FUT9: variants seen among roughly 807,000 people sequenced by gnomAD.
FUT9 encodes the protein fucosyltransferase 9.
FUT9 carries 15 observed loss-of-function variants against 29.7 expected under a neutral mutation model. That is an observed-to-expected ratio of 0.51 (90% CI 0.34 to 0.78). FUT9 has a LOEUF of 0.78. Ranked by LOEUF, FUT9 falls within the 30% of genes least tolerant of loss-of-function variation. The pLI is 0.01. For missense variants in FUT9, 319 were observed against 425.4 expected, an observed-to-expected ratio of 0.75 and a Z score of 2.20; for synonymous variants, 169 against 153.7, an observed-to-expected ratio of 1.10 and a Z score of -0.74.
chr6:96,042,392 A>G (rs551156921), intron 1 of FUT9, among the ~76,000 whole-genome samples: 12 of 152,166 alleles, frequency 7.9e-5, no homozygotes, highest in Non-Finnish European at 1.8e-4. Flanking sequence ...TTTCAATTTT[A>G]TTATTAAAAA....
intron 1 of FUT9, among the ~76,000 whole-genome samples, chr6:96,103,043 T>C (rs926222179): frequency 6.6e-6 from 1 of 152,020 alleles, no homozygotes; most frequent in African/African-American, 2.4e-5. Flanking sequence ...TATGGGAAAA[T>C]AGCAGTCAGA....
At chr6:96,143,734 G>A (rs1006110738) in intron 2 of FUT9, among the ~76,000 whole-genome samples, 13 of 152,124 alleles carry the variant, frequency 8.5e-5, no homozygotes, top group Non-Finnish European at 1.5e-4. Context: ...TAAAATCGTT[G>A]GGTGGATTGA....
chr6:96,022,865 G>T (rs1770098865), intron 1 of FUT9, among the ~76,000 whole-genome samples: 1 of 151,826 alleles, frequency 6.6e-6, no homozygotes, highest in South Asian at 2.1e-4. Flanking sequence ...AGGTGTACCT[G>T]GTACGTGTAT....
chr6:96,132,458 A>G (rs1772264823), intron 2 of FUT9, among the ~76,000 whole-genome samples: 1 of 152,062 alleles, frequency 6.6e-6, no homozygotes, highest in Admixed American at 6.6e-5. Context: ...CCACAGCAGA[A>G]TCATGAGGGT....
intron 2 of FUT9, among the ~76,000 whole-genome samples, chr6:96,114,547 T>C (rs936484185): frequency 2.0e-5 from 3 of 151,632 alleles, no homozygotes; most frequent in Non-Finnish European, 1.5e-5. Context: ...CTTTTGAAAA[T>C]GGGTTTTAAT....
At chr6:96,163,049 G>A (rs1772942447) in intron 2 of FUT9, among the ~76,000 whole-genome samples, 1 of 152,102 alleles carries the variant, frequency 6.6e-6, no homozygotes. Flanking sequence ...GAGGATTTTG[G>A]CTCTTCATTG....
chr6:96,112,427 C>T (rs762886032), intron 1 of FUT9, among the ~76,000 whole-genome samples: 1 of 152,196 alleles, frequency 6.6e-6, no homozygotes, highest in African/African-American at 2.4e-5. Flanking sequence ...TCCATTTCTT[C>T]ATACTTGTAT....
intron 1 of FUT9, among the ~76,000 whole-genome samples, chr6:96,098,304 A>T (rs2127955954): frequency 6.6e-6 from 1 of 152,204 alleles, no homozygotes; most frequent in East Asian, 1.9e-4. Flanking sequence ...AGAAAGTCAA[A>T]CTACTGCCAC....
intron 2 of FUT9, among the ~76,000 whole-genome samples, chr6:96,182,579 T>C (rs1007517767): frequency 2.6e-5 from 4 of 152,044 alleles, no homozygotes; most frequent in African/African-American, 4.8e-5. Flanking sequence ...CCTTGATCCA[T>C]CTTGAACTCA....
intron 1 of FUT9, among the ~76,000 whole-genome samples, chr6:96,056,993 C>T (rs1770783342): frequency 6.6e-6 from 1 of 152,156 alleles, no homozygotes; most frequent in African/African-American, 2.4e-5. Flanking sequence ...ATATCCAATA[C>T]TTTATTATAA....
chr6:96,138,926 C>A (rs545924732), intron 2 of FUT9, among the ~76,000 whole-genome samples: 37 of 152,186 alleles, frequency 2.4e-4, no homozygotes, highest in African/African-American at 8.7e-4. Context: ...GCAGAGATCA[C>A]CCTTTTGGAA....
chr6:96,068,589 A>G (rs2127946601), intron 1 of FUT9, among the ~76,000 whole-genome samples: 1 of 152,318 alleles, frequency 6.6e-6, no homozygotes. Context: ...TATCGCATTG[A>G]TTAGCATCTG....
At chr6:96,168,939 C>T (rs994396721) in intron 2 of FUT9, among the ~76,000 whole-genome samples, 8 of 152,194 alleles carry the variant, frequency 5.3e-5, no homozygotes, top group East Asian at 1.9e-4. Context: ...TCCTACCTAT[C>T]GCAACAGGCA....
intron 2 of FUT9, among the ~76,000 whole-genome samples, chr6:96,136,759 G>C (rs923544469): frequency 3.9e-5 from 6 of 151,944 alleles, no homozygotes; most frequent in African/African-American, 1.2e-4. Context: ...CTGTGTTTGA[G>C]AGGGTAGCAG....
intron 2 of FUT9, among the ~76,000 whole-genome samples, chr6:96,191,456 T>C (rs1243718536): frequency 6.6e-6 from 1 of 152,170 alleles, no homozygotes; most frequent in Non-Finnish European, 1.5e-5. Flanking sequence ...TAAACACCTC[T>C]ATGCAAATAA....
intron 1 of FUT9, among the ~76,000 whole-genome samples, chr6:96,067,822 G>A (rs1337673179): frequency 2.0e-5 from 3 of 151,824 alleles, no homozygotes; most frequent in Admixed American, 6.6e-5. Context: ...TATGTCCTTG[G>A]GCAATTTCCT....
chr6:96,173,489 A>T (rs1445114719), intron 2 of FUT9, among the ~76,000 whole-genome samples: 1 of 152,098 alleles, frequency 6.6e-6, no homozygotes, highest in Non-Finnish European at 1.5e-5. Context: ...ACACATCGTC[A>T]TATGACCTTG....
intron 1 of FUT9, among the ~76,000 whole-genome samples, chr6:96,098,245 T>C (rs973615226): frequency 2.0e-5 from 3 of 152,188 alleles, no homozygotes; most frequent in African/African-American, 7.2e-5. Context: ...TTTCAGAACC[T>C]ATAACTTCTG....
At chr6:96,040,033 C>CATT (rs1426818034) in intron 1 of FUT9, among the ~76,000 whole-genome samples, 1 of 151,946 alleles carries the variant, frequency 6.6e-6, no homozygotes, top group Admixed American at 6.6e-5. Context: ...ATTAGGCTCT[C>CATT]ATTACATGTT....
Sources: allele counts gnomAD v4.1 joint callset (sites outside exome capture counted in the v4.1 genomes callset), GRCh38; gene constraint gnomAD v4.1.1; transcripts MANE v1.5; gene names NCBI Gene and HGNC (gene_info 2026-07-23, HGNC 2026-07-21).